Variants in MAML3 observed in about 807,000 individuals in gnomAD.
The protein encoded by MAML3 is mastermind like transcriptional coactivator 3.
A neutral mutation model predicts 101.9 loss-of-function variants in MAML3; 27 were observed. The observed-to-expected ratio is 0.27, with a 90% CI of 0.20 to 0.37. The LOEUF is 0.37. Ranked by LOEUF, MAML3 falls within the 10% of genes least tolerant of loss-of-function variation. MAML3 has a pLI of 1.00. For missense variants in MAML3, 1,316 were observed against 1,444.9 expected, an observed-to-expected ratio of 0.91 and a Z score of 1.45; for synonymous variants, 501 against 555.9, an observed-to-expected ratio of 0.90 and a Z score of 1.39.
intron 1 of MAML3, among the ~76,000 whole-genome samples, chr4:139,981,861 A>G (rs1215223839): frequency 1.3e-5 from 2 of 152,216 alleles, no homozygotes; most frequent in Non-Finnish European, 2.9e-5. Context: ...AGAAGACCAC[A>G]GAGATAAAGT....
intron 2 of MAML3, among the ~76,000 whole-genome samples, chr4:139,732,686 A>G (rs577515215): frequency 1.8e-4 from 28 of 152,142 alleles, no homozygotes; most frequent in African/African-American, 6.5e-4. Context: ...GTATTTGGTT[A>G]CATGAGTAAG....
At chr4:140,085,117 G>A (rs1225808593) in intron 1 of MAML3, among the ~76,000 whole-genome samples, 2 of 152,172 alleles carry the variant, frequency 1.3e-5, no homozygotes, top group Admixed American at 6.5e-5. Flanking sequence ...TGTGAACAGA[G>A]TTCACAAAAT....
chr4:139,945,680 A>T (rs963685779), intron 1 of MAML3, among the ~76,000 whole-genome samples: 2 of 152,252 alleles, frequency 1.3e-5, no homozygotes, highest in Non-Finnish European at 2.9e-5. Context: ...TATAGGATAG[A>T]TATTTAATAA....
At chr4:140,021,700 T>C (rs1378858215) in intron 1 of MAML3, among the ~76,000 whole-genome samples, 1 of 152,130 alleles carries the variant, frequency 6.6e-6, no homozygotes, top group African/African-American at 2.4e-5. Flanking sequence ...TCTTTCTTCT[T>C]TCTCTTCTTT....
intron 1 of MAML3, among the ~76,000 whole-genome samples, chr4:139,987,854 T>C (rs1315466172): frequency 6.6e-6 from 1 of 150,612 alleles, no homozygotes; most frequent in Non-Finnish European, 1.5e-5. Flanking sequence ...ACCTTGTCTG[T>C]ACTAAAAATA....
chr4:140,126,435 G>A (rs1482505026), intron 1 of MAML3, among the ~76,000 whole-genome samples: 2 of 152,070 alleles, frequency 1.3e-5, no homozygotes, highest in East Asian at 3.9e-4. Context: ...TCCTTATCTC[G>A]CTGCATGTGA....
chr4:139,863,901 T>C (rs1731842232), intron 2 of MAML3, among the ~76,000 whole-genome samples: 1 of 146,320 alleles, frequency 6.8e-6, no homozygotes, highest in Non-Finnish European at 1.5e-5. Context: ...TCCAGAAACA[T>C]TCTTGATGCC....
chr4:139,908,333 T>C (rs1420825909), intron 1 of MAML3, among the ~76,000 whole-genome samples: 1 of 152,236 alleles, frequency 6.6e-6, no homozygotes, highest in Non-Finnish European at 1.5e-5. Flanking sequence ...GTATACTGTG[T>C]AGTAAAACCT....
intron 1 of MAML3, among the ~76,000 whole-genome samples, chr4:140,013,083 T>C (rs1002616976): frequency 5.9e-5 from 9 of 152,242 alleles, no homozygotes; most frequent in African/African-American, 2.2e-4. Context: ...TCCCAGCATA[T>C]AACAGACATC....
At chr4:140,039,473 C>G (rs1195432250) in intron 1 of MAML3, among the ~76,000 whole-genome samples, 1 of 152,164 alleles carries the variant, frequency 6.6e-6, no homozygotes, top group Non-Finnish European at 1.5e-5. Flanking sequence ...ATGCCTTGAT[C>G]AGAAGCATTA....
Position 140,066,739 on chromosome 4 carries a change from C to T in MAML3, c.468+86121G>A, listed in dbSNP as rs142535905. Among the ~76,000 whole-genome samples, 678 of 152,290 alleles carry T rather than the reference C, an allele frequency of 4.5e-3. 2 individuals carry two copies. Among genetic ancestry groups the T allele is most frequent in the African/African-American group, 0.016 (647 of 41,560 alleles). The stretch of plus-strand genomic sequence containing the variant: ...CTGTGTGGACCTGGCCTAGAATAGC[C>T]AAACACTTGTCAGGCAGTGCCAGGA... On this transcript the variant is annotated intron_variant, in intron 1 of 4. Coordinates refer to ENST00000509479, the MANE Select transcript of MAML3 (RefSeq NM_018717.5).
intron 1 of MAML3, among the ~76,000 whole-genome samples, chr4:139,978,617 A>AAAAAAAT (rs1320930566): frequency 6.6e-6 from 1 of 151,230 alleles, no homozygotes; most frequent in Non-Finnish European, 1.5e-5. Flanking sequence ...ACATCAAAAA[A>AAAAAAAT]AAAGAGAGAG....
chr4:140,059,535 T>G (rs1006529933), intron 1 of MAML3, among the ~76,000 whole-genome samples: 4 of 152,236 alleles, frequency 2.6e-5, no homozygotes, highest in Non-Finnish European at 4.4e-5. Flanking sequence ...ATTATCTGAT[T>G]ATTAAGGAGA....
At chr4:140,105,592 G>A (rs575518526) in intron 1 of MAML3, among the ~76,000 whole-genome samples, 8 of 152,272 alleles carry the variant, frequency 5.3e-5, no homozygotes, top group African/African-American at 9.6e-5. Context: ...AAGTTAGATC[G>A]CACTCATTTT....
intron 2 of MAML3, among the ~76,000 whole-genome samples, chr4:139,841,655 A>C: frequency 6.6e-6 from 1 of 152,326 alleles, no homozygotes; most frequent in South Asian, 2.1e-4. Context: ...GTTTTTTACA[A>C]GCGCTGTGCA....
In MAML3 at chr4:139,720,072, T is replaced by G. The variant is rs201456750; in HGVS notation, c.2668A>C (p.Met890Leu). Residue 890 changes from methionine (M) to leucine (L), a missense_variant, in exon 5 of 5, where the codon ATG becomes CTG. Physicochemically the swap from Met to Leu is conservative, Grantham distance 15. Transcript: ENST00000509479. Reference sequence around the variant, plus strand: ...TGGGCTTGGTTATGTGTGATGCTCATGCCACTTTGGTTTGGATGCTGCAAC... The same window carrying G: ...TGGGCTTGGTTATGTGTGATGCTCAGGCCACTTTGGTTTGGATGCTGCAAC... ...QMLQHPNQSG[M>L]SITHNQAQGP... 8.4e-5 allele frequency: 136 copies of G among 1,613,984 alleles called. No individual in the cohort carries two copies. The highest frequency in any genetic ancestry group is 1.1e-4 in the Non-Finnish European group (126 of 1,179,920).
chr4:139,862,865 A>C (rs1382053006), intron 2 of MAML3, among the ~76,000 whole-genome samples: 1 of 152,232 alleles, frequency 6.6e-6, no homozygotes, highest in Non-Finnish European at 1.5e-5. Context: ...CCTTGGCTCC[A>C]GTTATTAGCT....
At chr4:140,063,055 C>T (rs180831440) in intron 1 of MAML3, among the ~76,000 whole-genome samples, 1 of 152,288 alleles carries the variant, frequency 6.6e-6, no homozygotes, top group Non-Finnish European at 1.5e-5. Flanking sequence ...TAGCTCCTCA[C>T]AACATGATGC....
intron 2 of MAML3, among the ~76,000 whole-genome samples, chr4:139,755,171 G>C (rs1284631978): frequency 6.6e-6 from 1 of 152,212 alleles, no homozygotes; most frequent in African/African-American, 2.4e-5. Context: ...CAGCCGGTTT[G>C]CTGTTCCATA....
Sources: gnomAD v4.1 joint callset for allele counts (sites outside exome capture counted in the v4.1 genomes callset) on GRCh38, gnomAD v4.1.1 for gene constraint, MANE v1.5 for transcripts, NCBI Gene and HGNC (gene_info 2026-07-23, HGNC 2026-07-21) for gene names.